Variants in FAT3 observed in about 807,000 individuals in gnomAD.
The protein encoded by FAT3 is FAT atypical cadherin 3.
In FAT3, 95 loss-of-function variants were observed where a neutral mutation model predicts 310.2. The ratio of observed to expected loss-of-function variants is 0.31; its 90% CI spans 0.26 to 0.36. The LOEUF (loss-of-function observed/expected upper bound fraction) is 0.36. FAT3 is among the 10% of genes least tolerant of loss of function. The probability of loss-of-function intolerance (pLI) is 1.00; values close to 1 mark genes in which losing one functional copy is unlikely to be tolerated. For synonymous variants in FAT3, 2,314 were observed against 2,192.9 expected (o/e 1.06, Z -1.54); for missense variants, 5,408 against 5,715.6 (o/e 0.95, Z 1.74).
intron 2 of FAT3, among the ~76,000 whole-genome samples, chr11:92,431,731 G>T (rs1950785664): frequency 1.3e-5 from 2 of 151,278 alleles, no homozygotes; most frequent in Non-Finnish European, 3.0e-5. Flanking sequence ...TCTACATATG[G>T]CTAGCACCAT....
At chr11:92,313,259 G>A (rs1170805192) in intron 1 of FAT3, among the ~76,000 whole-genome samples, 1 of 152,154 alleles carries the variant, frequency 6.6e-6, no homozygotes, top group Non-Finnish European at 1.5e-5. Context: ...ATGCACCCAT[G>A]TTTTAGGAGC....
chr11:92,781,353 C>T (rs978875300), intron 7 of FAT3, among the ~76,000 whole-genome samples: 14 of 151,750 alleles, frequency 9.2e-5, no homozygotes, highest in African/African-American at 2.7e-4. Flanking sequence ...ACCGAGCCAC[C>T]GCGCCCGGCC....
intron 2 of FAT3, among the ~76,000 whole-genome samples, chr11:92,392,993 C>T (rs541027377): frequency 2.8e-4 from 43 of 152,106 alleles, no homozygotes; most frequent in African/African-American, 8.9e-4. Context: ...GGCAGTGGGA[C>T]GGGTATGGGT....
chr11:92,474,097 A>G (rs1315675490), intron 2 of FAT3, among the ~76,000 whole-genome samples: 2 of 152,160 alleles, frequency 1.3e-5, no homozygotes, highest in Non-Finnish European at 2.9e-5. Context: ...CTTTGAGAGG[A>G]AAGAGATTCC....
At chr11:92,570,884 G>T (rs1339979331) in intron 3 of FAT3, among the ~76,000 whole-genome samples, 4 of 152,094 alleles carry the variant, frequency 2.6e-5, no homozygotes, top group African/African-American at 9.7e-5. Context: ...GTGGAAGCTT[G>T]CTCATTTGTT....
At chr11:92,399,807 A>G (rs1949968861) in intron 2 of FAT3, among the ~76,000 whole-genome samples, 1 of 152,122 alleles carries the variant, frequency 6.6e-6, no homozygotes, top group Non-Finnish European at 1.5e-5. Context: ...GACAGCCTAG[A>G]TGTTTTAGGA....
chr11:92,837,887 A>T lies in FAT3; in HGVS notation c.10368+81A>T, dbSNP rs991625106. 9 of 1,533,840 alleles carry T rather than the reference A, an allele frequency of 5.9e-6. No homozygotes were observed. The African/African-American group carries it at 1.1e-4, about 19-fold the overall frequency. On this transcript the variant is annotated intron_variant, in intron 17 of 27. Transcript: ENST00000525166. The stretch of plus-strand genomic sequence containing the variant: ...TGCTGTGGTTTACTCATTGTGGTTT[A>T]TTGCTACTATTACTTAATGTCATCT...
intron 1 of FAT3, among the ~76,000 whole-genome samples, chr11:92,311,596 G>A (rs1947306908): frequency 6.6e-6 from 1 of 152,200 alleles, no homozygotes; most frequent in Admixed American, 6.5e-5. Flanking sequence ...AGGGATATCA[G>A]CAAAACAAAC....
chr11:92,821,880 A>G (rs1947976978), intron 13 of FAT3, among the ~76,000 whole-genome samples: 1 of 152,204 alleles, frequency 6.6e-6, no homozygotes, highest in African/African-American at 2.4e-5. Context: ...AACCAGATGC[A>G]GGGCCATGAC....
At chr11:92,643,603 A>G (rs188686990) in intron 3 of FAT3, among the ~76,000 whole-genome samples, 1 of 152,342 alleles carries the variant, frequency 6.6e-6, no homozygotes, top group Non-Finnish European at 1.5e-5. Context: ...AAACTATAAA[A>G]ATGACTGTAC....
rs1446313694 is a variant in FAT3 at position 92,333,517 on chromosome 11, T to G, written c.-17-18579T>G. Among the ~76,000 whole-genome samples the G allele has an allele frequency of 3.3e-5, 5 of 152,250 alleles. No individual in the cohort carries two copies. The East Asian group carries it at 9.7e-4, about 29-fold the overall frequency. The stretch of plus-strand genomic sequence containing the variant: ...TCCAGCTGTCTCTCTGCACCTTGCC[T>G]TCTTCTCTTCTCTATACAAGTGTGT... On this transcript the variant is annotated intron_variant, in intron 1 of 27. Coordinates refer to ENST00000525166, the MANE Select transcript of FAT3 (RefSeq NM_001367949.2).
In FAT3 at chr11:92,408,391, C is replaced by A. The variant is rs534771316; in HGVS notation, c.3292+52987C>A. Among the ~76,000 whole-genome samples the A allele has an allele frequency of 2.6e-5, 4 of 152,204 alleles. No homozygotes were observed. The South Asian group carries it at 8.3e-4, about 32-fold the overall frequency. ...TTGGTCCATAGCAGGGGGATAGCTT[C>A]GTGTTTGAACTCCAGTTCTTTCTCA... On this transcript the variant is annotated intron_variant, in intron 2 of 27. Coordinates refer to ENST00000525166, the MANE Select transcript of FAT3 (RefSeq NM_001367949.2).
chr11:92,762,256 C>T (rs562542979), intron 5 of FAT3, 86 bp downstream of exon 5: 18 of 1,359,302 alleles, frequency 1.3e-5, no homozygotes, highest in Middle Eastern at 3.7e-4. Flanking sequence ...AGCAATAAAT[C>T]TTTAGAGTAA....
At position 92,678,969 on chromosome 11, in the gene FAT3, A is replaced by T. The variant is rs532882451; in HGVS notation, c.3608-18415A>T. On this transcript the variant is annotated intron_variant, in intron 3 of 27. Coordinates refer to ENST00000525166, the MANE Select transcript of FAT3 (RefSeq NM_001367949.2). ...TCCTAGCTTTCTCATCACCCTTCTGAGTCTTCATTTTTTATCATTTCACTC... is the reference window on the plus strand; with the variant it reads ...TCCTAGCTTTCTCATCACCCTTCTGTGTCTTCATTTTTTATCATTTCACTC... Among the ~76,000 whole-genome samples the T allele has an allele frequency of 2.5e-4, 38 of 152,068 alleles. 1 individual carries two copies. In the South Asian group the frequency reaches 7.7e-3, roughly 31 times the overall value.
intron 4 of FAT3, among the ~76,000 whole-genome samples, chr11:92,740,637 T>G (rs1945482127): frequency 6.6e-6 from 1 of 152,240 alleles, no homozygotes; most frequent in East Asian, 1.9e-4. Flanking sequence ...ATTGGATTTC[T>G]GAATCCATGT....
At chr11:92,331,372 T>C (rs1947920096) in intron 1 of FAT3, among the ~76,000 whole-genome samples, 1 of 152,168 alleles carries the variant, frequency 6.6e-6, no homozygotes, top group Admixed American at 6.5e-5. Flanking sequence ...ATATTTTCTC[T>C]TCAGGCAGGT....
intron 16 of FAT3, among the ~76,000 whole-genome samples, chr11:92,837,150 CA>C (rs1948428748): frequency 6.6e-6 from 1 of 151,930 alleles, no homozygotes; most frequent in African/African-American, 2.4e-5. Context: ...CTTTCTTGAC[CA>C]AAAAATATTC....
intron 9 of FAT3, among the ~76,000 whole-genome samples, chr11:92,795,372 C>A (rs1193108146): frequency 6.6e-6 from 1 of 151,888 alleles, no homozygotes; most frequent in Non-Finnish European, 1.5e-5. Flanking sequence ...ATAAGAAAAG[C>A]ACAGCTTTTA....
At chr11:92,395,458 A>T (rs968502739) in intron 2 of FAT3, among the ~76,000 whole-genome samples, 2 of 152,024 alleles carry the variant, frequency 1.3e-5, no homozygotes, top group African/African-American at 4.8e-5. Flanking sequence ...ATCTCTTACC[A>T]TGCCTGTCGA....
Sources: gnomAD v4.1 joint callset for allele counts (sites outside exome capture counted in the v4.1 genomes callset) on GRCh38, gnomAD v4.1.1 for gene constraint, MANE v1.5 for transcripts, NCBI Gene and HGNC (gene_info 2026-07-23, HGNC 2026-07-21) for gene names.